The following SRGAP3 variants were observed in gnomAD, a reference collection of about 807,000 sequenced individuals.
SRGAP3 encodes the protein SLIT-ROBO Rho GTPase-activating protein 3.
A neutral mutation model predicts 121.1 loss-of-function variants in SRGAP3; 39 were observed. That is an observed-to-expected ratio of 0.32 (90% confidence interval 0.25 to 0.42). SRGAP3 has a LOEUF of 0.42. SRGAP3 is among the 10% of genes least tolerant of loss of function. SRGAP3 has a pLI of 1.00. For missense variants in SRGAP3, 1,213 were observed against 1,470.6 expected (o/e 0.82, Z 2.86); for synonymous variants, 601 against 570.0 (o/e 1.05, Z -0.77).
chr3:9,280,031 C>A (rs1453867513), intron 3 of SRGAP3, among the ~76,000 whole-genome samples: 1 of 152,348 alleles, frequency 6.6e-6, no homozygotes, highest in East Asian at 1.9e-4. Context: ...GAGTGGACAG[C>A]TTGTCCCCCT....
chr3:9,023,619 G>T (rs1944036120), intron 14 of SRGAP3, among the ~76,000 whole-genome samples: 1 of 152,126 alleles, frequency 6.6e-6, no homozygotes, highest in African/African-American at 2.4e-5. Context: ...GATTATACTG[G>T]CTGTTGACTA....
At chr3:9,221,209 G>A (rs1053088744) in intron 1 of SRGAP3, among the ~76,000 whole-genome samples, 4 of 152,146 alleles carry the variant, frequency 2.6e-5, no homozygotes, top group Non-Finnish European at 4.4e-5. Flanking sequence ...AAAGCTTCCT[G>A]CTTTCCCTCA....
intron 1 of SRGAP3, among the ~76,000 whole-genome samples, chr3:9,241,476 G>C (rs535587455): frequency 1.3e-5 from 2 of 152,192 alleles, no homozygotes; most frequent in Non-Finnish European, 2.9e-5. Context: ...ACCCCACTGA[G>C]ACGGCTGTCA....
intron 3 of SRGAP3, among the ~76,000 whole-genome samples, chr3:9,083,500 A>C (rs1419550080): frequency 6.6e-6 from 1 of 152,228 alleles, no homozygotes; most frequent in African/African-American, 2.4e-5. Context: ...ACACCTTTGC[A>C]TCTTTTCACT....
chr3:9,021,447 G>C (rs1943917737), intron 14 of SRGAP3, among the ~76,000 whole-genome samples: 1 of 151,858 alleles, frequency 6.6e-6, no homozygotes, highest in South Asian at 2.1e-4. Flanking sequence ...CATTTTGCCA[G>C]AAGATTTATA....
At chr3:9,036,335 A>G (rs1944742286) in intron 11 of SRGAP3, 1 of 152,194 alleles carries the variant, frequency 6.6e-6, no homozygotes, top group Non-Finnish European at 1.5e-5. Context: ...CACAAGTTAA[A>G]TCATGATTTT....
chr3:9,236,259 G>C (rs1221098009), intron 1 of SRGAP3: 1 of 175,834 alleles, frequency 5.7e-6, no homozygotes, highest in Non-Finnish European at 1.2e-5. Flanking sequence ...TTCTATAAGA[G>C]TTTCTCCAGC....
chr3:9,346,914 C>A (rs982134669), intron 1 of SRGAP3, among the ~76,000 whole-genome samples: 2 of 151,974 alleles, frequency 1.3e-5, no homozygotes, highest in African/African-American at 4.8e-5. Flanking sequence ...TGCCACCACA[C>A]CTGGCTAGTT....
chr3:9,328,108 A>AT (rs1955548600), intron 2 of SRGAP3, among the ~76,000 whole-genome samples: 1 of 152,184 alleles, frequency 6.6e-6, no homozygotes, highest in Non-Finnish European at 1.5e-5. Flanking sequence ...AAATGTCTTT[A>AT]TTTTATCAAT....
At chr3:9,340,895 C>T (rs1179289554) in intron 1 of SRGAP3, among the ~76,000 whole-genome samples, 1 of 152,152 alleles carries the variant, frequency 6.6e-6, no homozygotes, top group Non-Finnish European at 1.5e-5. Context: ...TCCTGGGCTG[C>T]TATAACGAAA....
At chr3:9,081,720 A>G (rs1947252475) in intron 3 of SRGAP3, among the ~76,000 whole-genome samples, 2 of 152,236 alleles carry the variant, frequency 1.3e-5, no homozygotes, top group African/African-American at 2.4e-5. Flanking sequence ...ATGATATTTA[A>G]GGACACAATT....
chr3:9,294,298 CACTT>C (rs1312007033), intron 3 of SRGAP3, among the ~76,000 whole-genome samples: 2 of 152,274 alleles, frequency 1.3e-5, no homozygotes, highest in Non-Finnish European at 2.9e-5. Context: ...TGCATGTTCT[CACTT>C]ACAAGTGGGA....
intron 3 of SRGAP3, among the ~76,000 whole-genome samples, chr3:9,275,863 G>A (rs915976544): frequency 3.9e-5 from 6 of 152,072 alleles, no homozygotes; most frequent in African/African-American, 1.4e-4. Context: ...TCTCCTGAAA[G>A]GTGAGGCAGA....
chr3:9,308,985 AC>A (rs1400745151), intron 3 of SRGAP3, among the ~76,000 whole-genome samples: 1 of 152,102 alleles, frequency 6.6e-6, no homozygotes, highest in African/African-American at 2.4e-5. Context: ...TCTCTCCCAC[AC>A]TGATTCTGGG....
intron 3 of SRGAP3, among the ~76,000 whole-genome samples, chr3:9,291,737 T>C (rs1004540374): frequency 6.6e-6 from 1 of 152,186 alleles, no homozygotes; most frequent in Non-Finnish European, 1.5e-5. Flanking sequence ...ACTATTTACC[T>C]TTCTTCTTTA....
intron 3 of SRGAP3, among the ~76,000 whole-genome samples, chr3:9,086,517 C>CA (rs1242587521): frequency 0.024 from 2,054 of 86,586 alleles, 49 homozygotes; most frequent in African/African-American, 0.063. Flanking sequence ...GAGACTGTTT[C>CA]AAAAAAAAAA....
At chr3:9,115,742 G>T (rs532040130) in intron 2 of SRGAP3, among the ~76,000 whole-genome samples, 30 of 152,108 alleles carry the variant, frequency 2.0e-4, no homozygotes, top group Non-Finnish European at 3.8e-4. Context: ...CTGGCTTCAG[G>T]ATTTTTGCCA....
At chr3:9,328,565 T>C (rs537679034) in intron 2 of SRGAP3, among the ~76,000 whole-genome samples, 50 of 152,378 alleles carry the variant, frequency 3.3e-4, no homozygotes, top group South Asian at 1.7e-3. Flanking sequence ...CTGATATTTC[T>C]GGCTTCTGAA....
chr3:9,227,004 C>G (rs992717072), intron 1 of SRGAP3, among the ~76,000 whole-genome samples: 17 of 152,080 alleles, frequency 1.1e-4, no homozygotes, highest in African/African-American at 3.6e-4. Flanking sequence ...ACCCACCTGC[C>G]CACAGGAGCC....
Sources: allele counts gnomAD v4.1 joint callset (sites outside exome capture counted in the v4.1 genomes callset), GRCh38; gene constraint gnomAD v4.1.1; transcripts MANE v1.5; gene names NCBI Gene and HGNC (gene_info 2026-07-23, HGNC 2026-07-21).